Variants in PLXDC2 observed in about 807,000 individuals in gnomAD.
The protein encoded by PLXDC2 is plexin domain-containing protein 2.
Under a neutral mutation model 68.9 loss-of-function variants are expected in PLXDC2, and 40 were observed. That is an observed-to-expected ratio of 0.58 (90% confidence interval 0.45 to 0.76). The LOEUF is 0.76. Among genes scored for constraint, PLXDC2 ranks in the 30% least tolerant of loss-of-function variants. The probability of loss-of-function intolerance (pLI) is 0.00; values close to 1 mark genes in which losing one functional copy is unlikely to be tolerated. For missense variants in PLXDC2, 644 were observed against 661.9 expected (o/e 0.97, Z 0.30); for synonymous variants, 243 against 234.2 (o/e 1.04, Z -0.34).
At chr10:20,158,501 C>CAAAAAAAACAAAAAAAAAAAAAAAAAAA (rs1834246466) in intron 6 of PLXDC2, among the ~76,000 whole-genome samples, 1 of 118,776 alleles carries the variant, frequency 8.4e-6, no homozygotes, top group Non-Finnish European at 1.7e-5. Flanking sequence ...TCTGTCTCTG[C>CAAAAAAAACAAAAAAAAAAAAAAAAAAA]AAAAAAAAAA....
At chr10:20,039,067 G>A (rs1450479814) in intron 2 of PLXDC2, among the ~76,000 whole-genome samples, 1 of 152,110 alleles carries the variant, frequency 6.6e-6, no homozygotes, top group East Asian at 1.9e-4. Context: ...AGCTTGTTAG[G>A]GACCAAGCCA....
At chr10:20,206,740 A>T (rs967179887) in intron 9 of PLXDC2, among the ~76,000 whole-genome samples, 2 of 152,128 alleles carry the variant, frequency 1.3e-5, no homozygotes, top group African/African-American at 2.4e-5. Flanking sequence ...GCATTTGGAC[A>T]GGCATCTCAG....
intron 4 of PLXDC2, among the ~76,000 whole-genome samples, chr10:20,115,529 A>G (rs1196340839): frequency 6.6e-6 from 1 of 152,174 alleles, no homozygotes; most frequent in East Asian, 1.9e-4. Context: ...ATAAAAACCC[A>G]TTATATCTTT....
intron 1 of PLXDC2, among the ~76,000 whole-genome samples, chr10:19,865,312 T>TTTGGGTTAAA (rs2131338296): frequency 6.6e-6 from 1 of 152,322 alleles, no homozygotes; most frequent in South Asian, 2.1e-4. Context: ...TTTGCTTTCA[T>TTTGGGTTAAA]ATTGAGCTTA....
intron 1 of PLXDC2, among the ~76,000 whole-genome samples, chr10:19,885,018 T>C (rs1392987635): frequency 6.6e-6 from 1 of 152,172 alleles, no homozygotes; most frequent in African/African-American, 2.4e-5. Flanking sequence ...GCACCTGTTG[T>C]TTCCTGACTT....
At chr10:19,898,673 A>T (rs73601631) in intron 1 of PLXDC2, among the ~76,000 whole-genome samples, 14,473 of 152,242 alleles carry the variant, frequency 0.095, 731 homozygotes, top group Non-Finnish European at 0.12. Context: ...AAGTTTCTGG[A>T]TCAGTGGAAG....
chr10:19,855,918 T>C (rs1218822804), intron 1 of PLXDC2, among the ~76,000 whole-genome samples: 1 of 152,074 alleles, frequency 6.6e-6, no homozygotes, highest in Admixed American at 6.6e-5. Flanking sequence ...ATCCCATCTG[T>C]ACTAAAAAAA....
At chr10:19,988,159 G>T (rs1007622483) in intron 1 of PLXDC2, among the ~76,000 whole-genome samples, 22 of 152,126 alleles carry the variant, frequency 1.4e-4, no homozygotes, top group African/African-American at 4.8e-4. Context: ...CCTTTCGTTA[G>T]AATTTTAGAA....
At chr10:20,247,621 T>C (rs1030822969) in intron 13 of PLXDC2, among the ~76,000 whole-genome samples, 1 of 152,198 alleles carries the variant, frequency 6.6e-6, no homozygotes, top group Admixed American at 6.5e-5. Context: ...TCTGAAACTC[T>C]ATCTGCAGGG....
At chr10:20,050,765 A>G (rs1403423703) in intron 3 of PLXDC2, among the ~76,000 whole-genome samples, 1 of 152,120 alleles carries the variant, frequency 6.6e-6, no homozygotes, top group African/African-American at 2.4e-5. Flanking sequence ...GATTAAAGGG[A>G]ACACTTATAC....
chr10:19,911,990 A>G (rs907477886), intron 1 of PLXDC2, among the ~76,000 whole-genome samples: 23 of 152,080 alleles, frequency 1.5e-4, no homozygotes, highest in Non-Finnish European at 3.1e-4. Flanking sequence ...TTTTCTCTAT[A>G]TAGGCTCCAC....
At chr10:19,822,137 A>T (rs1424605689) in intron 1 of PLXDC2, among the ~76,000 whole-genome samples, 1 of 150,810 alleles carries the variant, frequency 6.6e-6, no homozygotes, top group Non-Finnish European at 1.5e-5. Flanking sequence ...TTGTGCATAT[A>T]TATGCACTAT....
At chr10:20,034,972 T>C (rs1835555692) in intron 2 of PLXDC2, among the ~76,000 whole-genome samples, 4 of 152,210 alleles carry the variant, frequency 2.6e-5, no homozygotes, top group Admixed American at 2.6e-4. Flanking sequence ...GACACATTTC[T>C]CAGAAACTTG....
Position 20,284,330 on chromosome 10 carries a change from T to TATATATATACACACAC in PLXDC2, c.*4512_*4513insTATATATACACACACA, listed in dbSNP as rs1484131963. The stretch of plus-strand genomic sequence containing the variant: ...AAATATACATATATATATATATATA[T>TATATATATACACACAC]ACACACACACACACACACACACAAA... On this transcript the variant is annotated 3_prime_UTR_variant, in exon 14 of 14. Coordinates refer to ENST00000377252, the MANE Select transcript of PLXDC2 (RefSeq NM_032812.9). 4.0e-5 allele frequency: 5 copies of TATATATATACACACAC among 126,336 alleles called. No individual in the cohort carries two copies. The Admixed American group carries it at 4.2e-4, about 11-fold the overall frequency. 7.8% of individuals were successfully genotyped at this position (126,336 alleles called of 1,614,324 possible). A position where few individuals can be genotyped will look rare whatever the true frequency, so the allele number is the denominator to read the frequency against.
intron 1 of PLXDC2, among the ~76,000 whole-genome samples, chr10:19,863,117 C>T (rs571496061): frequency 1.8e-4 from 27 of 152,230 alleles, no homozygotes; most frequent in African/African-American, 5.1e-4. Context: ...CCTCACTCAT[C>T]GTTGAATCTT....
At chr10:20,217,293 T>C in intron 10 of PLXDC2, 133 bp from the exon 11 acceptor site, 1 of 743,518 alleles carries the variant, frequency 1.3e-6, no homozygotes, top group Non-Finnish European at 2.0e-6. Flanking sequence ...TAATATAGTC[T>C]TGTACAAAAG....
rs567998939 is a variant in PLXDC2 at position 19,958,430 on chromosome 10, C to A, written c.113-43345C>A. 9.2e-5 allele frequency among the ~76,000 whole-genome samples: 14 copies of A among 152,212 alleles called. No individual in the cohort carries two copies. The South Asian group carries it at 2.7e-3, about 29-fold the overall frequency. ...CCTACAGACCTAAAATAAATTATAA[C>A]CTATTTGCTCTACTGTTCTTTGACA... On this transcript the variant is annotated intron_variant, in intron 1 of 13. Coordinates refer to ENST00000377252, the MANE Select transcript of PLXDC2 (RefSeq NM_032812.9).
intron 12 of PLXDC2, among the ~76,000 whole-genome samples, chr10:20,240,231 C>G (rs1835496550): frequency 6.6e-6 from 1 of 152,152 alleles, no homozygotes; most frequent in African/African-American, 2.4e-5. Context: ...GCCTCCACCT[C>G]TTTCCGTGTT....
chr10:19,839,044 G>C (rs1288535056), intron 1 of PLXDC2, among the ~76,000 whole-genome samples: 1 of 152,092 alleles, frequency 6.6e-6, no homozygotes, highest in African/African-American at 2.4e-5. Flanking sequence ...AAATCTTCCA[G>C]GCACGGTGGT....
Sources: gnomAD v4.1 joint callset for allele counts (sites outside exome capture counted in the v4.1 genomes callset) on GRCh38, gnomAD v4.1.1 for gene constraint, MANE v1.5 for transcripts, NCBI Gene and HGNC (gene_info 2026-07-23, HGNC 2026-07-21) for gene names.